Variants in NID1 observed in about 807,000 individuals in gnomAD.
NID1 encodes nidogen-1.
NID1 carries 76 observed loss-of-function variants against 130.6 expected under a neutral mutation model. The ratio of observed to expected loss-of-function variants is 0.58; its 90% CI spans 0.48 to 0.70. The LOEUF is 0.70. NID1 is among the 30% of genes least tolerant of loss of function. NID1 has a pLI of 0.00. For missense variants in NID1, 1,517 were observed against 1,664.8 expected (o/e 0.91, Z 1.54); for synonymous variants, 665 against 675.1 (o/e 0.98, Z 0.23).
At chr1:236,014,231 C>T (rs1431306039) in intron 10 of NID1, among the ~76,000 whole-genome samples, 1 of 139,606 alleles carries the variant, frequency 7.2e-6, no homozygotes, top group Non-Finnish European at 1.5e-5. Context: ...CTCTCTCTCT[C>T]TCTTTCTCTG....
intron 12 of NID1, among the ~76,000 whole-genome samples, chr1:236,011,301 T>TTTTC (rs1553343573): frequency 0.024 from 3,457 of 143,748 alleles, 72 homozygotes; most frequent in Non-Finnish European, 0.037. Flanking sequence ...ATATTCTTTT[T>TTTTC]TTTTCTTTTT....
intron 19 of NID1, 51 bp from the exon 20 acceptor site, chr1:235,978,039 T>G: frequency 6.3e-7 from 1 of 1,596,758 alleles, no homozygotes; most frequent in South Asian, 1.1e-5. Flanking sequence ...TCTGACTCCA[T>G]AGCCATTTAA....
At chr1:235,994,159 T>A (rs1482392120) in intron 12 of NID1, among the ~76,000 whole-genome samples, 1 of 152,196 alleles carries the variant, frequency 6.6e-6, no homozygotes, top group Non-Finnish European at 1.5e-5. Context: ...GAACATACAG[T>A]GAACCTTTTT....
At chr1:236,028,715 CAG>C (rs1291095570) in intron 7 of NID1, among the ~76,000 whole-genome samples, 4 of 150,526 alleles carry the variant, frequency 2.7e-5, no homozygotes, top group African/African-American at 4.9e-5. Context: ...TATGGAGAGA[CAG>C]AGAGACAGAG....
chr1:236,032,351 C>G lies in NID1; in HGVS notation c.1537+50G>C, dbSNP rs112712941. The G allele has an allele frequency of 1.8e-5, 28 of 1,592,480 alleles. No individual in the cohort carries two copies. In the East Asian group the frequency reaches 2.9e-4, roughly 17 times the overall value. ...CCTTCCATCCATCCCCAGGCCTCCC[C>G]CTAGGCACTACTGTGTGACCCACTA... On this transcript the variant is annotated intron_variant, in intron 6 of 19. Transcript: ENST00000264187.
chr1:236,048,829 G>A lies in NID1; in HGVS notation c.386C>T (p.Ser129Phe), dbSNP rs755059025. 3.0e-5 allele frequency: 48 copies of A among 1,614,044 alleles called. No individual in the cohort carries two copies. The highest frequency in any genetic ancestry group is 4.0e-5 in the Non-Finnish European group (47 of 1,180,036). The change falls in exon 2 of 20, where the codon TCC (serine) becomes TTC (phenylalanine). Residue 129 changes from serine to phenylalanine, a missense_variant. Ser to Phe is a radical substitution (Grantham distance 155). Transcript: ENST00000264187. ...ACACTCTGCTGCTCGCTGAGTGATG[G>A]AGGGGGATAAGTCTTCTCGATAATA... Reference protein sequence around the residue: ...KVYYREDLSPSITQRAAECVH... With the variant: ...KVYYREDLSPFITQRAAECVH...
chr1:235,980,205 T>G (rs1657396991), intron 17 of NID1, among the ~76,000 whole-genome samples: 1 of 152,196 alleles, frequency 6.6e-6, no homozygotes, highest in Non-Finnish European at 1.5e-5. Flanking sequence ...CCAGGCTCTG[T>G]GCAGTGCCAC....
rs535163742 is a variant in NID1, at chr1:236,055,857, A to G, written c.226-6868T>C. On this transcript the variant is annotated intron_variant, in intron 1 of 19. Coordinates refer to ENST00000264187, the MANE Select transcript of NID1 (RefSeq NM_002508.3). ...CTGATAAACAAAAGTGTATAAGTTT[A>G]GGGTGTACAACGCGATTTGATACAG... Among the ~76,000 whole-genome samples, 9 of 152,308 alleles carry G rather than the reference A, an allele frequency of 5.9e-5. No homozygotes were observed. The South Asian group carries it at 1.9e-3, about 32-fold the overall frequency.
At chr1:236,029,848 T>A in intron 6 of NID1, 98 bp from the exon 7 acceptor site, 2 of 1,084,448 alleles carry the variant, frequency 1.8e-6, no homozygotes, top group Non-Finnish European at 2.7e-6. Flanking sequence ...TGCGAACGCT[T>A]CTGCAGGTGC....
In NID1 at chr1:236,029,435, G is replaced by A. The variant is rs1048380401; in HGVS notation, c.1738+115C>T. Reference sequence around the variant, plus strand: ...GGGGAAGGTGACTGTAAGGCCCGGTGTATTTCCCTCTCCAGATCCCAGAGA... The same window carrying A: ...GGGGAAGGTGACTGTAAGGCCCGGTATATTTCCCTCTCCAGATCCCAGAGA... On this transcript the variant is annotated intron_variant, in intron 7 of 19. Coordinates refer to ENST00000264187, the MANE Select transcript of NID1 (RefSeq NM_002508.3). The A allele has an allele frequency of 1.5e-4, 144 of 972,152 alleles. 1 individual carries two copies. The highest frequency in any genetic ancestry group is 3.2e-4 in the Admixed American group (15 of 46,918). The allele number at this position is 972,152 out of a possible 1,614,324, so 60.2% of individuals were successfully genotyped here. A position where few individuals can be genotyped will look rare whatever the true frequency, so the allele number is the denominator to read the frequency against.
chr1:236,028,502 C>T (rs1189564942), intron 7 of NID1, among the ~76,000 whole-genome samples: 1 of 152,028 alleles, frequency 6.6e-6, no homozygotes, highest in Admixed American at 6.6e-5. Context: ...AGTGAGGGCT[C>T]GTCTCAAAAC....
chr1:236,049,480 A>G (rs1400425601), intron 1 of NID1, among the ~76,000 whole-genome samples: 1 of 152,116 alleles, frequency 6.6e-6, no homozygotes, highest in African/African-American at 2.4e-5. Context: ...CCCTTGTCTC[A>G]AAAAAGAAAA....
intron 14 of NID1, among the ~76,000 whole-genome samples, chr1:235,988,075 T>C (rs1290161071): frequency 1.3e-5 from 2 of 152,138 alleles, no homozygotes; most frequent in Non-Finnish European, 2.9e-5. Flanking sequence ...TGTCTGTGCA[T>C]CATAGGACAC....
At chr1:236,055,175 G>A (rs28819460) in intron 1 of NID1, among the ~76,000 whole-genome samples, 9,749 of 151,850 alleles carry the variant, frequency 0.064, 942 homozygotes, top group African/African-American at 0.21. Context: ...GTGGTGGCGG[G>A]TGTCTGTAGT....
Position 235,993,757 on chromosome 1 carries a change from G to A in NID1, c.2643C>T (p.His881=), listed in dbSNP as rs1442734608. The A allele has an allele frequency of 1.9e-6, 3 of 1,613,830 alleles. No individual in the cohort carries two copies. Among genetic ancestry groups the A allele is most frequent in the East Asian group, 4.5e-5 (2 of 44,890 alleles). ...GGCACTGGGTGGGCGCGTAGTGCCC[G>A]TGCGCATCGCACTCAGGAACGAACA... is the stretch of plus-strand genomic sequence containing the variant. ...PGLFVPECDA[H]GHYAPTQCHG... Residue 881 remains histidine (H), a synonymous_variant, in exon 13 of 20, where the codon CAC becomes CAT. Coordinates refer to ENST00000264187, the MANE Select transcript of NID1 (RefSeq NM_002508.3).
chr1:236,047,554 G>A (rs370609837), intron 2 of NID1, among the ~76,000 whole-genome samples: 4 of 151,880 alleles, frequency 2.6e-5, no homozygotes, highest in African/African-American at 4.8e-5. Context: ...TGATGACTGC[G>A]CCCACGGAGA....
At position 236,013,471 on chromosome 1, in the gene NID1, C is replaced by T. The variant is rs1185441804; in HGVS notation, c.2344G>A (p.Gly782Ser). ...PQRAQCIYTG[G>S]SSYTCSCLPG... is the part of the protein sequence containing the mutation. ...AAGCAGGAACAGGTGTAGGAGGAGC[C>T]TCCTGTGTAGATACACTGGGCCCGC... is the stretch of plus-strand genomic sequence containing the variant. Residue 782 changes from glycine (G) to serine (S), a missense_variant, in exon 11 of 20, where the codon GGC becomes AGC. Coordinates refer to ENST00000264187, the MANE Select transcript of NID1 (RefSeq NM_002508.3). 6 of 1,614,032 alleles carry T rather than the reference C, an allele frequency of 3.7e-6. No individual in the cohort carries two copies. The highest frequency in any genetic ancestry group is 1.3e-5 in the African/African-American group (1 of 74,916).
intron 6 of NID1, among the ~76,000 whole-genome samples, chr1:236,031,458 G>A (rs976602039): frequency 7.9e-5 from 12 of 152,236 alleles, no homozygotes; most frequent in Admixed American, 7.8e-4. Flanking sequence ...TTCTTAAGAC[G>A]GCCACACTTT....
chr1:236,041,871 A>G (rs1411015102), intron 4 of NID1, 39 bp downstream of exon 4: 1 of 1,568,680 alleles, frequency 6.4e-7, no homozygotes, highest in Admixed American at 1.8e-5. Context: ...AAGCCCACAC[A>G]TCCAAGATCG....
Sources: allele counts gnomAD v4.1 joint callset (sites outside exome capture counted in the v4.1 genomes callset), GRCh38; gene constraint gnomAD v4.1.1; transcripts MANE v1.5; gene names NCBI Gene and HGNC (gene_info 2026-07-23, HGNC 2026-07-21).